PCDH15: variants seen among roughly 807,000 people sequenced by gnomAD.
PCDH15 encodes protocadherin-15.
A neutral mutation model predicts 178.5 loss-of-function variants in PCDH15; 129 were observed. The observed-to-expected ratio is 0.72, with a 90% CI of 0.63 to 0.84. The LOEUF is 0.84. PCDH15 is among the 40% of genes least tolerant of loss of function. The pLI is 0.00. For missense variants in PCDH15, 2,230 were observed against 2,099.9 expected (o/e 1.06, Z -1.21); for synonymous variants, 800 against 732.0 (o/e 1.09, Z -1.50).
chr10:55,354,569 T>A (rs567703353), intron 2 of PCDH15, among the ~76,000 whole-genome samples: 1 of 152,128 alleles, frequency 6.6e-6, no homozygotes, highest in South Asian at 2.1e-4. Context: ...TTCACATAAG[T>A]CATAAACAGT....
At chr10:55,110,239 T>C (rs1339929749) in intron 2 of PCDH15, among the ~76,000 whole-genome samples, 1 of 152,020 alleles carries the variant, frequency 6.6e-6, no homozygotes, top group East Asian at 1.9e-4. Flanking sequence ...GGTAAGTTCA[T>C]TATACTTTCT....
At chr10:54,806,008 C>T (rs1052155403), upstream of PCDH15, among the ~76,000 whole-genome samples, 14 of 152,016 alleles carry the variant, frequency 9.2e-5, no homozygotes, top group Admixed American at 8.5e-4. Context: ...TTGAATATTT[C>T]ATATAATCTA....
chr10:54,876,692 G>A (rs1028821918), intron 3 of PCDH15, among the ~76,000 whole-genome samples: 7 of 152,166 alleles, frequency 4.6e-5, no homozygotes, highest in African/African-American at 1.7e-4. Flanking sequence ...AGCTCGAAGA[G>A]GTGACTTAAT....
At chr10:55,185,346 T>A (rs1372218052) in intron 1 of PCDH15, among the ~76,000 whole-genome samples, 1 of 151,878 alleles carries the variant, frequency 6.6e-6, no homozygotes, top group African/African-American at 2.4e-5. Context: ...ATGTTGCATG[T>A]CTTAAAATGT....
chr10:55,241,027 T>C (rs916547464), intron 1 of PCDH15, among the ~76,000 whole-genome samples: 2 of 152,230 alleles, frequency 1.3e-5, no homozygotes, highest in Non-Finnish European at 2.9e-5. Flanking sequence ...CCATCCTGGC[T>C]AACACAGTGA....
intron 2 of PCDH15, among the ~76,000 whole-genome samples, chr10:54,978,735 T>C (rs1839139988): frequency 6.6e-6 from 1 of 152,160 alleles, no homozygotes; most frequent in African/African-American, 2.4e-5. Context: ...TTTTTGGTCA[T>C]CTTCCCATAA....
intron 3 of PCDH15, among the ~76,000 whole-genome samples, chr10:54,837,830 AG>A: frequency 6.6e-6 from 1 of 152,216 alleles, no homozygotes; most frequent in South Asian, 2.1e-4. Flanking sequence ...ACTTTGAGAA[AG>A]CAAGTCGATA....
rs574173170 is a variant in PCDH15, at chr10:54,177,995, T to C, written c.1590+5449A>G. On this transcript the variant is annotated intron_variant, in intron 13 of 37. Transcript: ENST00000644397. ...GGGAGACAAGTATATATAGAGGTGA[T>C]GATTGAAAACTTGAGAACAGATGAA... 6.6e-5 allele frequency among the ~76,000 whole-genome samples: 10 copies of C among 152,142 alleles called. No homozygotes were observed. The South Asian group carries it at 2.1e-3, about 32-fold the overall frequency.
intron 1 of PCDH15, among the ~76,000 whole-genome samples, chr10:55,177,411 A>C (rs529809529): frequency 6.6e-6 from 1 of 152,262 alleles, no homozygotes; most frequent in East Asian, 1.9e-4. Context: ...TGGATCAGAA[A>C]GGAAGAGAAT....
At chr10:54,906,402 T>C (rs1193137590) in intron 2 of PCDH15, among the ~76,000 whole-genome samples, 1 of 152,148 alleles carries the variant, frequency 6.6e-6, no homozygotes, top group East Asian at 1.9e-4. Context: ...AATCCAGAAC[T>C]GTTAATAATT....
At chr10:54,353,751 T>C (rs1301516192) in intron 5 of PCDH15, among the ~76,000 whole-genome samples, 1 of 152,154 alleles carries the variant, frequency 6.6e-6, no homozygotes, top group Non-Finnish European at 1.5e-5. Context: ...GTGTTAAAAA[T>C]CTTGATTTCA....
upstream of PCDH15, among the ~76,000 whole-genome samples, chr10:55,320,815 C>T (rs969364305): frequency 6.6e-6 from 1 of 152,158 alleles, no homozygotes; most frequent in Non-Finnish European, 1.5e-5. Flanking sequence ...GAAGGAATAT[C>T]AGCACACGAA....
At chr10:53,952,108 T>C (rs1289959711) in intron 23 of PCDH15, among the ~76,000 whole-genome samples, 1 of 152,114 alleles carries the variant, frequency 6.6e-6, no homozygotes, top group Non-Finnish European at 1.5e-5. Flanking sequence ...AGCTCCTAGG[T>C]CTGGGATCCC....
intron 10 of PCDH15, among the ~76,000 whole-genome samples, chr10:54,200,759 C>T (rs568414716): frequency 5.3e-4 from 81 of 152,186 alleles, no homozygotes; most frequent in African/African-American, 1.9e-3. Context: ...TTCTCATTCT[C>T]GTTTGGTGGT....
At chr10:54,537,171 T>C (rs12778539) in intron 2 of PCDH15, among the ~76,000 whole-genome samples, 29,371 of 151,610 alleles carry the variant, frequency 0.19, 3,100 homozygotes, top group East Asian at 0.31. Flanking sequence ...GCTAATTTTT[T>C]TGTATTTTCA....
At chr10:54,373,941 G>A (rs1485850332) in intron 4 of PCDH15, among the ~76,000 whole-genome samples, 1 of 151,986 alleles carries the variant, frequency 6.6e-6, no homozygotes, top group Non-Finnish European at 1.5e-5. Context: ...ATATGGTCAT[G>A]GGACAATAAT....
chr10:53,978,006 C>T (rs1445753458), intron 21 of PCDH15, among the ~76,000 whole-genome samples: 1 of 152,200 alleles, frequency 6.6e-6, no homozygotes, highest in Non-Finnish European at 1.5e-5. Flanking sequence ...GTATAGCCCC[C>T]TCTTGGCTGC....
At chr10:55,150,494 C>G (rs1304168199) in intron 2 of PCDH15, among the ~76,000 whole-genome samples, 3 of 152,078 alleles carry the variant, frequency 2.0e-5, no homozygotes, top group Non-Finnish European at 4.4e-5. Flanking sequence ...TTTATAGTTA[C>G]AGTCTATTTA....
intron 3 of PCDH15, among the ~76,000 whole-genome samples, chr10:54,854,018 C>T (rs1226476452): frequency 2.6e-5 from 4 of 152,142 alleles, no homozygotes; most frequent in Non-Finnish European, 5.9e-5. Context: ...CCATGCCTGC[C>T]AAAGGCGAGT....
Sources: allele counts gnomAD v4.1 joint callset (sites outside exome capture counted in the v4.1 genomes callset), GRCh38; gene constraint gnomAD v4.1.1; transcripts MANE v1.5; gene names NCBI Gene and HGNC (gene_info 2026-07-23, HGNC 2026-07-21).